GOSR2: variants seen among roughly 807,000 people sequenced by gnomAD.
GOSR2 encodes the protein 27 kDa Golgi SNARE protein.
Under a neutral mutation model 27.9 loss-of-function variants are expected in GOSR2, and 20 were observed. The observed-to-expected ratio is 0.72, with a 90% CI of 0.50 to 1.04. The LOEUF (loss-of-function observed/expected upper bound fraction) is 1.04. GOSR2 is among the 50% of genes least tolerant of loss of function. GOSR2 has a pLI of 0.00. For missense variants in GOSR2, 261 were observed against 270.5 expected (o/e 0.97, Z 0.25); for synonymous variants, 91 against 98.8 (o/e 0.92, Z 0.47).
chr17:46,929,688 G>C, intron 2 of GOSR2, 104 bp downstream of exon 2: 1 of 722,316 alleles, frequency 1.4e-6, no homozygotes, highest in Non-Finnish European at 2.6e-6. Context: ...ATGATTCAGC[G>C]TGGAATGAGT....
At chr17:46,968,529 A>G (rs28553405), downstream of GOSR2, among the ~76,000 whole-genome samples, 67,380 of 151,776 alleles carry the variant, frequency 0.44, 15,156 homozygotes, top group South Asian at 0.52. Flanking sequence ...GAAGAGCACC[A>G]TGCCAAGCTC....
At chr17:46,953,617 C>T (rs1224238760) in intron 6 of GOSR2, among the ~76,000 whole-genome samples, 17 of 152,184 alleles carry the variant, frequency 1.1e-4, no homozygotes, top group Admixed American at 6.5e-5. Context: ...CCTGAGGAAT[C>T]GCCACACTGA....
At chr17:46,957,644 C>T (rs923408683) in intron 6 of GOSR2, among the ~76,000 whole-genome samples, 2 of 152,054 alleles carry the variant, frequency 1.3e-5, no homozygotes, top group Admixed American at 6.5e-5. Flanking sequence ...AAACAAAACC[C>T]AGACAGCAGG....
intron 5 of GOSR2, 102 bp downstream of exon 5, chr17:46,935,271 GA>G (rs772666895): frequency 2.3e-4 from 364 of 1,600,272 alleles, no homozygotes; most frequent in Non-Finnish European, 2.9e-4. Flanking sequence ...CTCAAATTGT[GA>G]TATTTTGATG....
At chr17:46,973,562 G>A (rs896991210) in intron 6 of GOSR2, among the ~76,000 whole-genome samples, 2 of 152,094 alleles carry the variant, frequency 1.3e-5, no homozygotes, top group Non-Finnish European at 2.9e-5. Flanking sequence ...GGGATCTCAA[G>A]TCTAAGTAAT....
At chr17:46,969,622 A>G (rs1298681485), downstream of GOSR2, among the ~76,000 whole-genome samples, 1 of 152,234 alleles carries the variant, frequency 6.6e-6, no homozygotes, top group Non-Finnish European at 1.5e-5. Flanking sequence ...AGGTATAGAC[A>G]GCAGACAGTT....
chr17:46,970,535 CAAAAA>C (rs58781204), downstream of GOSR2, among the ~76,000 whole-genome samples: 1 of 51,168 alleles, frequency 2.0e-5, no homozygotes, highest in Non-Finnish European at 3.8e-5. Flanking sequence ...GACTCCATCT[CAAAAA>C]AAAAAAAAAA....
At chr17:46,954,561 A>G (rs1048451854) in intron 6 of GOSR2, among the ~76,000 whole-genome samples, 4 of 152,204 alleles carry the variant, frequency 2.6e-5, no homozygotes, top group African/African-American at 9.7e-5. Flanking sequence ...AATTCTGTGA[A>G]GAAAGTCATT....
At chr17:46,944,723 C>T (rs771205030), downstream of GOSR2, among the ~76,000 whole-genome samples, 15 of 152,086 alleles carry the variant, frequency 9.9e-5, no homozygotes, top group South Asian at 2.1e-4. Flanking sequence ...TTTCAGCCTC[C>T]GGAGTGGCTA....
intron 6 of GOSR2, among the ~76,000 whole-genome samples, chr17:46,958,321 C>G (rs553489946): frequency 6.6e-6 from 1 of 152,348 alleles, no homozygotes. Flanking sequence ...TAATTCAAGA[C>G]AGGATCTCCA....
At chr17:46,949,198 A>C (rs895217399) in intron 6 of GOSR2, 13 of 152,208 alleles carry the variant, frequency 8.5e-5, no homozygotes, top group African/African-American at 3.1e-4. Flanking sequence ...GAGGAGAATC[A>C]TCTGAAGGTT....
At chr17:46,943,394 C>A (rs1311850807), downstream of GOSR2, among the ~76,000 whole-genome samples, 1 of 152,240 alleles carries the variant, frequency 6.6e-6, no homozygotes, top group African/African-American at 2.4e-5. Context: ...GTGTTCCGTC[C>A]TCCCTGGACT....
At chr17:46,972,868 A>G (rs1190711487) in intron 6 of GOSR2, 1 of 152,704 alleles carries the variant, frequency 6.5e-6, no homozygotes, top group Non-Finnish European at 1.5e-5. Flanking sequence ...CTTCCTTAGC[A>G]CCCAGCATTA....
chr17:46,948,445 CTTTA>C (rs1307565745), intron 6 of GOSR2: 1 of 152,220 alleles, frequency 6.6e-6, no homozygotes, highest in Non-Finnish European at 1.5e-5. Flanking sequence ...GCCAGTCAGA[CTTTA>C]TTTGTTACAA....
rs114864862 is a variant in GOSR2 at position 46,926,004 on chromosome 17, G to A, written c.29+2783G>A. Among the ~76,000 whole-genome samples, 342 of 152,336 alleles carry A rather than the reference G, an allele frequency of 2.2e-3. 3 individuals carry two copies. Among genetic ancestry groups the A allele is most frequent in the African/African-American group, 7.6e-3 (318 of 41,578 alleles). On this transcript the variant is annotated intron_variant, in intron 1 of 5. Coordinates refer to ENST00000640051, the MANE Select transcript of GOSR2 (RefSeq NM_004287.5). Reference sequence around the variant, plus strand: ...TTGTCCCCTATGTAGTCCAAGATCAGTCTCCTGTCCTGGACCTTATCGTAT... The same window carrying A: ...TTGTCCCCTATGTAGTCCAAGATCAATCTCCTGTCCTGGACCTTATCGTAT...
In GOSR2 at chr17:46,929,815, C is replaced by T. The variant is rs139325266; in HGVS notation, c.94+231C>T. 5.8e-4 allele frequency: 303 copies of T among 519,866 alleles called. 2 individuals carry two copies. The highest frequency in any genetic ancestry group is 5.4e-3 in the African/African-American group (280 of 52,156). 32.2% of individuals were successfully genotyped at this position (519,866 alleles called of 1,614,324 possible). ...TACCCCTCCACTCAACCTGACATGG[C>T]CCTATGGGAATGGAAGCGCTTGCCT... On this transcript the variant is annotated intron_variant, in intron 2 of 5. Coordinates refer to ENST00000640051, the MANE Select transcript of GOSR2 (RefSeq NM_004287.5).
Position 46,941,563 on chromosome 17 carries a change from C to G in GOSR2, c.*2803C>G, listed in dbSNP as rs1228108205. 3.7e-6 allele frequency: 1 copy of G among 269,790 alleles called. No homozygotes were observed. The allele number at this position is 269,790 out of a possible 1,614,324, so 16.7% of individuals were successfully genotyped here. A position where few individuals can be genotyped will look rare whatever the true frequency, so the allele number is the denominator to read the frequency against. On this transcript the variant is annotated 3_prime_UTR_variant, in exon 6 of 6. Transcript: ENST00000640051. ...CTGAATTAGAACCTTTTTTAAATCT[C>G]TAAGGTGATTTTATTTTATTTTTTA...
At chr17:46,929,728 A>T (rs576050175) in intron 2 of GOSR2, 144 bp downstream of exon 2, 3 of 643,910 alleles carry the variant, frequency 4.7e-6, no homozygotes, top group Non-Finnish European at 2.8e-6. Flanking sequence ...GAAAAACCCT[A>T]TGGCAAAGTC....
rs1210551479 is a variant in GOSR2, at chr17:46,931,118, A to G, written c.114A>G (p.Gln38=). ...QSVHIVENEI[Q]ASIDQIFSRL... The stretch of plus-strand genomic sequence containing the variant: ...GTACAGTAGTAGAAAACGAAATCCA[A>G]GCAAGCATAGACCAGATATTCAGCC... The change falls in exon 3 of 6, where the codon CAA becomes CAG. Residue 38 remains glutamine, a synonymous_variant. Coordinates refer to ENST00000640051, the MANE Select transcript of GOSR2 (RefSeq NM_004287.5). The G allele has an allele frequency of 6.2e-7, 1 of 1,602,892 alleles. No homozygotes were observed. Among genetic ancestry groups the G allele is most frequent in the Non-Finnish European group, 8.5e-7 (1 of 1,170,092 alleles).
Sources: allele counts gnomAD v4.1 joint callset (sites outside exome capture counted in the v4.1 genomes callset), GRCh38; gene constraint gnomAD v4.1.1; transcripts MANE v1.5; gene names NCBI Gene and HGNC (gene_info 2026-07-23, HGNC 2026-07-21).